The following COL9A3 variants were observed in gnomAD, a reference collection of about 807,000 sequenced individuals.
COL9A3 encodes the protein collagen type IX alpha 3 chain, also known as collagen alpha-3(IX) chain.
A neutral mutation model predicts 110.2 loss-of-function variants in COL9A3; 82 were observed. That is an observed-to-expected ratio of 0.74 (90% CI 0.62 to 0.89). COL9A3 has a LOEUF of 0.89. COL9A3 is among the 40% of genes least tolerant of loss of function. The pLI, the probability that COL9A3 is intolerant of heterozygous loss-of-function variation, is 0.00. For synonymous variants in COL9A3, 494 were observed against 403.8 expected (o/e 1.22, Z -2.68); for missense variants, 1,066 against 981.3 (o/e 1.09, Z -1.15).
intron 26 of COL9A3, among the ~76,000 whole-genome samples, chr20:62,834,697 C>T (rs898101634): frequency 3.3e-5 from 5 of 151,976 alleles, no homozygotes; most frequent in African/African-American, 4.8e-5. Context: ...GGCTGGAGTG[C>T]GGTGGTGTGA....
chr20:62,828,035 T>C (rs1306551203), intron 17 of COL9A3, 59 bp downstream of exon 17: 12 of 1,570,142 alleles, frequency 7.6e-6, no homozygotes, highest in Non-Finnish European at 8.7e-6. Context: ...TATGTACAGG[T>C]GGAGATGGCA....
chr20:62,838,774 G>A lies in COL9A3; in HGVS notation c.1864+13G>A, dbSNP rs771389785. On this transcript the variant is annotated intron_variant, in intron 31 of 31. Transcript: ENST00000649368. The stretch of plus-strand genomic sequence containing the variant: ...CAGGGGCCCCAAGGTACGAGTCCAC[G>A]GCCAGCAAGGCTTCACTGGGTGACA... 9.7e-6 allele frequency: 15 copies of A among 1,548,736 alleles called. No homozygotes were observed. Among genetic ancestry groups the A allele is most frequent in the Middle Eastern group, 1.7e-4 (1 of 5,764 alleles).
At chr20:62,821,903 T>C (rs1478052532) in intron 8 of COL9A3, 93 bp downstream of exon 8, 2 of 811,262 alleles carry the variant, frequency 2.5e-6, no homozygotes, top group Middle Eastern at 2.2e-4. Flanking sequence ...CCTCTCCCTT[T>C]TCCCTTTCTC....
At chr20:62,829,304 G>A (rs2734525) in intron 19 of COL9A3, 151 bp from the exon 20 acceptor site, 13 of 1,070,224 alleles carry the variant, frequency 1.2e-5, no homozygotes, top group South Asian at 1.5e-5. Flanking sequence ...TGTCAAAGCC[G>A]CACCTCAGGT....
intron 12 of COL9A3, among the ~76,000 whole-genome samples, 180 bp downstream of exon 12, chr20:62,825,201 T>G (rs138255795): frequency 0.011 from 714 of 67,006 alleles, 7 homozygotes; most frequent in South Asian, 0.02. Context: ...GCTCCGGCGG[T>G]GGGGAGGGAC....
intron 31 of COL9A3, 147 bp from the exon 32 acceptor site, chr20:62,840,395 G>A (rs958525454): frequency 4.9e-5 from 34 of 689,028 alleles, no homozygotes; most frequent in Admixed American, 9.9e-5. Flanking sequence ...TTTGTGTGCC[G>A]TTCCCTCGGC....
At chr20:62,819,349 G>A (rs1991045245) in intron 4 of COL9A3, 56 bp downstream of exon 4, 13 of 1,523,838 alleles carry the variant, frequency 8.5e-6, no homozygotes, top group South Asian at 3.5e-5. Context: ...GGTCCCTGGA[G>A]GAGTCCGGCC....
intron 12 of COL9A3, chr20:62,825,369 G>T (rs962826801): frequency 2.7e-5 from 9 of 330,086 alleles, no homozygotes; most frequent in Admixed American, 1.9e-4. Flanking sequence ...TGGCCGGGGC[G>T]AGGGGCATCT....
chr20:62,839,626 C>T (rs1460047232), intron 31 of COL9A3, among the ~76,000 whole-genome samples: 1 of 151,260 alleles, frequency 6.6e-6, no homozygotes, highest in African/African-American at 2.4e-5. Flanking sequence ...TCCACGCACT[C>T]ACACTGCTCT....
chr20:62,821,120 A>C (rs1170252629), intron 5 of COL9A3, 61 bp from the exon 6 acceptor site: 12 of 1,541,278 alleles, frequency 7.8e-6, no homozygotes, highest in African/African-American at 5.4e-5. Context: ...CTTCAGAGGG[A>C]GGGGATTGGG....
intron 15 of COL9A3, among the ~76,000 whole-genome samples, 177 bp from the exon 16 acceptor site, chr20:62,827,064 G>T (rs924788423): frequency 6.6e-6 from 1 of 152,084 alleles, no homozygotes; most frequent in African/African-American, 2.4e-5. Context: ...CGTCCCTCTG[G>T]CACCTCCAGC....
In COL9A3 at chr20:62,829,851, G is replaced by T. The variant is rs539249215; in HGVS notation, c.1161+32G>T. On this transcript the variant is annotated intron_variant, in intron 22 of 31. Coordinates refer to ENST00000649368, the MANE Select transcript of COL9A3 (RefSeq NM_001853.4). ...GCAGGGACATGGCCCGGGGTCGGGG[G>T]TTAGCACTGAGCCATTGGCACATGG... 7.1e-6 allele frequency: 11 copies of T among 1,544,416 alleles called. No individual in the cohort carries two copies. The Admixed American group carries it at 9.8e-5, about 14-fold the overall frequency.
chr20:62,824,511 G>A lies in COL9A3; in HGVS notation c.576+10G>A, dbSNP rs138630583. On this transcript the variant is annotated intron_variant, in intron 11 of 31. Transcript: ENST00000649368. ...AATGCCAGGGTTCAAGGTGAGTCAC[G>A]GGTGACTGGGACCCAAGCACCACCC... is the stretch of plus-strand genomic sequence containing the variant. 508 of 1,582,670 alleles carry A rather than the reference G, an allele frequency of 3.2e-4. 5 individuals carry two copies. In the African/African-American group the frequency reaches 5.9e-3, roughly 18 times the overall value.
rs201487540 is a variant in COL9A3, at chr20:62,829,430, C to A, written c.1009-25C>A. Reference sequence around the variant, plus strand: ...CCGGCGTGCAATGTAACTGGCAGCCCTGACCGCAAGCTCTCTCCTGGCAGG... The same window carrying A: ...CCGGCGTGCAATGTAACTGGCAGCCATGACCGCAAGCTCTCTCCTGGCAGG... On this transcript the variant is annotated intron_variant, in intron 19 of 31. Transcript: ENST00000649368. 143 of 1,612,604 alleles carry A rather than the reference C, an allele frequency of 8.9e-5. No homozygotes were observed. The African/African-American group carries it at 1.8e-3, about 21-fold the overall frequency.
At chr20:62,837,360 C>G in intron 30 of COL9A3, 95 bp downstream of exon 30, 9 of 1,373,416 alleles carry the variant, frequency 6.6e-6, no homozygotes, top group Non-Finnish European at 9.0e-6. Context: ...GCCATGCGCC[C>G]TCAGGGGTAA....
chr20:62,836,435 G>A (rs759034607), intron 28 of COL9A3, 43 bp from the exon 29 acceptor site: 7 of 1,613,578 alleles, frequency 4.3e-6, no homozygotes, highest in Non-Finnish European at 5.9e-6. Flanking sequence ...GCCTCACCGA[G>A]GCTGCCGCCC....
chr20:62,836,724 C>T (rs561569019), intron 29 of COL9A3, 192 bp downstream of exon 29: 2 of 656,922 alleles, frequency 3.0e-6, no homozygotes, highest in Admixed American at 2.9e-5. Context: ...TAGAGGATGG[C>T]CCACGCTCCC....
intron 29 of COL9A3, chr20:62,836,773 C>CCCTAAAG: frequency 1.6e-6 from 1 of 623,790 alleles, no homozygotes; most frequent in African/African-American, 1.8e-5. Flanking sequence ...GCAGCAGACG[C>CCCTAAAG]CCTAAAGCCT....
intron 26 of COL9A3, 135 bp downstream of exon 26, chr20:62,833,199 G>T (rs955417745): frequency 1.3e-6 from 1 of 777,816 alleles, no homozygotes; most frequent in East Asian, 2.6e-5. Flanking sequence ...GGGCAGCGTG[G>T]GGATGGAGCA....
Sources: allele counts gnomAD v4.1 joint callset (sites outside exome capture counted in the v4.1 genomes callset), GRCh38; gene constraint gnomAD v4.1.1; transcripts MANE v1.5; gene names NCBI Gene and HGNC (gene_info 2026-07-23, HGNC 2026-07-21).